Variants in TMEM91 observed in about 807,000 individuals in gnomAD.
TMEM91 encodes dispanin subfamily C member 3.
Under a neutral mutation model 13.3 loss-of-function variants are expected in TMEM91, and 6 were observed. The ratio of observed to expected loss-of-function variants is 0.45; its 90% CI spans 0.25 to 0.89. The LOEUF (loss-of-function observed/expected upper bound fraction) is 0.89. Ranked by LOEUF, TMEM91 falls within the 40% of genes least tolerant of loss-of-function variation. The probability of loss-of-function intolerance (pLI) is 0.19; values close to 1 mark genes in which losing one functional copy is unlikely to be tolerated. For synonymous variants in TMEM91, 87 were observed against 101.7 expected, an observed-to-expected ratio of 0.86 and a Z score of 0.87; for missense variants, 193 against 228.7, an observed-to-expected ratio of 0.84 and a Z score of 1.01.
At chr19:41,382,644 C>CT in intron 2 of TMEM91, 128 bp from the exon 3 acceptor site, 1 of 1,342,352 alleles carries the variant, frequency 7.4e-7, no homozygotes, top group Non-Finnish European at 1.0e-6. Flanking sequence ...TCTCTGAACA[C>CT]TTTTTTCTCT....
upstream of TMEM91, among the ~76,000 whole-genome samples, chr19:41,375,278 T>C (rs528361820): frequency 6.1e-3 from 465 of 76,748 alleles, no homozygotes; most frequent in South Asian, 0.01. Flanking sequence ...CTTTTCTTTT[T>C]TTTTTTTTTT....
chr19:41,370,606 C>T (rs1010515242), intron 1 of TMEM91, among the ~76,000 whole-genome samples: 1 of 151,904 alleles, frequency 6.6e-6, no homozygotes, highest in Non-Finnish European at 1.5e-5. Context: ...GGGGTTTCAC[C>T]ATATTGGCCA....
At chr19:41,383,437 G>A (rs2038939096) in intron 3 of TMEM91, 2 of 1,144,224 alleles carry the variant, frequency 1.7e-6, no homozygotes, top group Non-Finnish European at 2.3e-6. Context: ...GCTACCTCTG[G>A]GTCAATGTGA....
intron 1 of TMEM91, among the ~76,000 whole-genome samples, chr19:41,370,510 G>A (rs943863376): frequency 4.0e-5 from 6 of 151,712 alleles, no homozygotes; most frequent in African/African-American, 1.5e-4. Flanking sequence ...GGGTTTAACC[G>A]ATTCTCCTGC....
intron 1 of TMEM91, among the ~76,000 whole-genome samples, chr19:41,367,669 T>C (rs960898331): frequency 2.0e-5 from 3 of 152,166 alleles, no homozygotes; most frequent in African/African-American, 7.2e-5. Flanking sequence ...GATCTTGCTC[T>C]GTTACCCAGG....
At chr19:41,372,787 AT>A (rs143855734), upstream of TMEM91, among the ~76,000 whole-genome samples, 48 of 151,556 alleles carry the variant, frequency 3.2e-4, no homozygotes, top group African/African-American at 1.0e-3. Flanking sequence ...TTCTCCATTA[AT>A]TTTTTTTTGT....
upstream of TMEM91, among the ~76,000 whole-genome samples, chr19:41,372,784 T>C (rs1489916401): frequency 4.6e-5 from 7 of 151,302 alleles, no homozygotes; most frequent in Non-Finnish European, 7.4e-5. Flanking sequence ...ATTTTCTCCA[T>C]TAATTTTTTT....
intron 1 of TMEM91, among the ~76,000 whole-genome samples, chr19:41,370,393 T>TTTTTTTTATTTATTTA (rs1555758241): frequency 1.4e-5 from 2 of 142,986 alleles, no homozygotes; most frequent in East Asian, 2.0e-4. Context: ...TTTATTTTTA[T>TTTTTTTTATTTATTTA]TTTATTTATT....
intron 1 of TMEM91, among the ~76,000 whole-genome samples, chr19:41,366,690 C>G (rs1020652408): frequency 6.6e-6 from 1 of 152,078 alleles, no homozygotes; most frequent in Admixed American, 6.6e-5. Context: ...AACTCCTGAC[C>G]TCAGGTGATC....
chr19:41,379,316 T>C (rs1077856), intron 2 of TMEM91, among the ~76,000 whole-genome samples: 86,045 of 148,540 alleles, frequency 0.58, 25,244 homozygotes, highest in Non-Finnish European at 0.6. Flanking sequence ...TCCATCTTTA[T>C]TTTTATTTAA....
rs151019696 is a variant in TMEM91 at position 41,369,597 on chromosome 19, G to A, written c.-30+5502G>A. 6.6e-3 allele frequency among the ~76,000 whole-genome samples: 1,006 copies of A among 151,660 alleles called. 6 individuals are homozygous for A. Among genetic ancestry groups the A allele is most frequent in the African/African-American group, 0.021 (875 of 41,340 alleles). On this transcript the variant is annotated intron_variant, in intron 1 of 3. Coordinates refer to the TMEM91 transcript ENST00000413014. Reference sequence around the variant, plus strand: ...AGGCAGGCAGATCACTTGAGGTCAGGAGTTCGAGACAAGCCTGGCCAACAT... The same window carrying A: ...AGGCAGGCAGATCACTTGAGGTCAGAAGTTCGAGACAAGCCTGGCCAACAT...
chr19:41,369,506 T>TAAAAAA (rs569474645), intron 1 of TMEM91, among the ~76,000 whole-genome samples: 1 of 123,318 alleles, frequency 8.1e-6, no homozygotes, highest in African/African-American at 3.2e-5. Context: ...ACTGCACCTC[T>TAAAAAA]AAAAAAAAAA....
chr19:41,382,210 C>G, intron 2 of TMEM91, among the ~76,000 whole-genome samples: 1 of 152,142 alleles, frequency 6.6e-6, no homozygotes, highest in East Asian at 1.9e-4. Context: ...ATTGTAGCGT[C>G]CATGATTGGA....
At chr19:41,375,273 C>CTTTTTTTTTTTTTTTT (rs906641411), upstream of TMEM91, among the ~76,000 whole-genome samples, 8 of 58,658 alleles carry the variant, frequency 1.4e-4, no homozygotes, top group East Asian at 4.8e-4. Context: ...ATTTTCTTTT[C>CTTTTTTTTTTTTTTTT]TTTTTTTTTT....
At position 41,376,653 on chromosome 19, in the gene TMEM91, C is replaced by T. The variant is rs925918287; in HGVS notation, c.-231C>T. 2 of 152,218 alleles carry T rather than the reference C, an allele frequency of 1.3e-5. No homozygotes were observed. The highest frequency in any genetic ancestry group is 4.8e-5 in the African/African-American group (2 of 41,468). 9.4% of individuals were successfully genotyped at this position (152,218 alleles called of 1,614,324 possible). ...GACGCTGACGTCGGCTTTCAGGGAT[C>T]CCTCGCCGGACGCCGCGGAGGGACA... On this transcript the variant is annotated 5_prime_UTR_variant, in exon 1 of 4. Transcript: ENST00000392002.
At chr19:41,374,371 C>T (rs907623292), upstream of TMEM91, 5 of 152,150 alleles carry the variant, frequency 3.3e-5, no homozygotes, top group South Asian at 2.1e-4. Context: ...GTAATCAGTC[C>T]GATGGAGATG....
chr19:41,370,357 G>A (rs1010464476), intron 1 of TMEM91, among the ~76,000 whole-genome samples: 2 of 151,544 alleles, frequency 1.3e-5, no homozygotes, highest in Non-Finnish European at 2.9e-5. Flanking sequence ...GATTATAGGC[G>A]TGAGCCACTG....
At chr19:41,381,961 G>T (rs2038898031) in intron 2 of TMEM91, among the ~76,000 whole-genome samples, 1 of 152,022 alleles carries the variant, frequency 6.6e-6, no homozygotes, top group Admixed American at 6.6e-5. Flanking sequence ...CACATCCTGG[G>T]TTCAAGTGAT....
intron 2 of TMEM91, among the ~76,000 whole-genome samples, chr19:41,380,895 C>CG (rs2038863918): frequency 9.4e-6 from 1 of 106,718 alleles, no homozygotes; most frequent in Admixed American, 1.1e-4. Context: ...GCCTGGGCAA[C>CG]AGAGTGAAAC....
Sources: gnomAD v4.1 joint callset for allele counts (sites outside exome capture counted in the v4.1 genomes callset) on GRCh38, gnomAD v4.1.1 for gene constraint, MANE v1.5 for transcripts, NCBI Gene and HGNC (gene_info 2026-07-23, HGNC 2026-07-21) for gene names.